ATG3: variants seen among roughly 807,000 people sequenced by gnomAD.
ATG3 encodes the protein ubiquitin-like-conjugating enzyme ATG3.
ATG3 carries 25 observed loss-of-function variants against 50.7 expected under a neutral mutation model. The ratio of observed to expected loss-of-function variants is 0.49; its 90% confidence interval spans 0.36 to 0.69. ATG3 has a LOEUF of 0.69. Among genes scored for constraint, ATG3 ranks in the 30% least tolerant of loss-of-function variants. The probability of loss-of-function intolerance (pLI) is 0.00; values close to 1 mark genes in which losing one functional copy is unlikely to be tolerated. For synonymous variants in ATG3, 119 were observed against 125.5 expected, an observed-to-expected ratio of 0.95 and a Z score of 0.34; for missense variants, 281 against 376.0, an observed-to-expected ratio of 0.75 and a Z score of 2.09.
intron 2 of ATG3, among the ~76,000 whole-genome samples, chr3:112,554,017 T>C (rs1933597824): frequency 6.6e-6 from 1 of 152,254 alleles, no homozygotes; most frequent in Middle Eastern, 3.2e-3. Flanking sequence ...GTACAAGTTT[T>C]TGTTTTTCTT....
intron 10 of ATG3, chr3:112,535,365 T>C (rs1933003591): frequency 6.6e-6 from 1 of 152,114 alleles, no homozygotes; most frequent in African/African-American, 2.4e-5. Flanking sequence ...TATATCCCAT[T>C]CCACAATACA....
intron 10 of ATG3, chr3:112,535,639 T>C (rs1933021399): frequency 6.6e-6 from 1 of 152,174 alleles, no homozygotes; most frequent in Non-Finnish European, 1.5e-5. Flanking sequence ...GAGCAAGGTC[T>C]TCCACGGAGT....
At position 112,561,611 on chromosome 3, in the gene ATG3, C is replaced by A; in HGVS notation, c.-83G>T. ...GGGCCAGGGAGTCAGAAAATGTCCT[C>A]GCTGCCACCGACTCGCATCAGCACC... On this transcript the variant is annotated 5_prime_UTR_variant, in exon 1 of 12. An upstream open reading frame in the 5' UTR gains an earlier in-frame stop. Coordinates refer to ENST00000283290, the MANE Select transcript of ATG3 (RefSeq NM_022488.5). 3 of 1,384,892 alleles carry A rather than the reference C, an allele frequency of 2.2e-6. No individual in the cohort carries two copies. Among genetic ancestry groups the A allele is most frequent in the Non-Finnish European group, 3.0e-6 (3 of 1,008,294 alleles). The allele number at this position is 1,384,892 out of a possible 1,614,324, so 85.8% of individuals were successfully genotyped here.
In ATG3 at chr3:112,561,531, T is replaced by C. The variant is rs1933879867; in HGVS notation, c.-3A>G. 2 of 1,429,122 alleles carry C rather than the reference T, an allele frequency of 1.4e-6. No homozygotes were observed. Among genetic ancestry groups the C allele is most frequent in the Admixed American group, 1.8e-5 (1 of 55,402 alleles). 88.5% of individuals were successfully genotyped at this position (1,429,122 alleles called of 1,614,324 possible). A position where few individuals can be genotyped will look rare whatever the true frequency, so the allele number is the denominator to read the frequency against. On this transcript the variant is annotated 5_prime_UTR_variant, in exon 1 of 12. Coordinates refer to ENST00000283290, the MANE Select transcript of ATG3 (RefSeq NM_022488.5). ...ACAGTATTAATCACATTCTGCATCC[T>C]GGGGCCGGAGTAGCGGCCGGCCCCG...
chr3:112,536,585 T>C lies in ATG3; in HGVS notation c.684A>G (p.Thr228=), dbSNP rs1394750093. ...TGATGTCTTCATACATGTGCTCAAC[T>C]GTTAAAGGCTGCCGTTGCTGAAAGC... ...FGYDEQRQPL[T]VEHMYEDISQ... Residue 228 remains threonine, a synonymous_variant, in exon 10 of 12, where the codon ACA becomes ACG. Transcript: ENST00000283290. 5.0e-6 allele frequency: 8 copies of C among 1,613,940 alleles called. No homozygotes were observed. Among genetic ancestry groups the C allele is most frequent in the Admixed American group, 3.3e-5 (2 of 59,992 alleles).
In ATG3 at chr3:112,537,703, T is replaced by C. The variant is rs73853442; in HGVS notation, c.666+32A>G. 6,727 of 1,462,080 alleles carry C rather than the reference T, an allele frequency of 4.6e-3. 162 individuals are homozygous for C. In the African/African-American group the frequency reaches 0.053, roughly 12 times the overall value. The allele number at this position is 1,462,080 out of a possible 1,614,324, so 90.6% of individuals were successfully genotyped here. A position where few individuals can be genotyped will look rare whatever the true frequency, so the allele number is the denominator to read the frequency against. On this transcript the variant is annotated intron_variant, in intron 9 of 11. Coordinates refer to ENST00000283290, the MANE Select transcript of ATG3 (RefSeq NM_022488.5). ...ATTAAAACCCAACAATTTAAAATAT[T>C]GATATTAAAATATAATGCTTTTCAT...
In ATG3 at chr3:112,561,954, C is replaced by G. The variant is rs1933914186; in HGVS notation, c.-426G>C. On this transcript the variant is annotated 5_prime_UTR_variant, in exon 1 of 12. Coordinates refer to ENST00000283290, the MANE Select transcript of ATG3 (RefSeq NM_022488.5). Reference sequence around the variant, plus strand: ...TAGCTGCGCCGCCACCGGGGCCTCACGTGACACTAGACTCTCCCGGCACGT... The same window carrying G: ...TAGCTGCGCCGCCACCGGGGCCTCAGGTGACACTAGACTCTCCCGGCACGT... 1.4e-5 allele frequency: 3 copies of G among 216,822 alleles called. No individual in the cohort carries two copies. In the South Asian group the frequency reaches 1.7e-4, roughly 12 times the overall value. The allele number at this position is 216,822 out of a possible 1,614,324, so 13.4% of individuals were successfully genotyped here. A position where few individuals can be genotyped will look rare whatever the true frequency, so the allele number is the denominator to read the frequency against.
chr3:112,561,253 C>A (rs1255090232), intron 1 of ATG3, among the ~76,000 whole-genome samples: 2 of 152,158 alleles, frequency 1.3e-5, no homozygotes, highest in Admixed American at 6.5e-5. Context: ...GAGCGTCGCT[C>A]CAAGTTTACC....
chr3:112,552,626 A>T (rs1015790260), intron 3 of ATG3, among the ~76,000 whole-genome samples: 5 of 144,248 alleles, frequency 3.5e-5, no homozygotes, highest in South Asian at 4.3e-4. Context: ...TTGTTAATTT[A>T]AAAAAAAAAA....
chr3:112,557,874 T>A (rs36061184), intron 2 of ATG3, among the ~76,000 whole-genome samples: 10,302 of 152,158 alleles, frequency 0.068, 441 homozygotes, highest in Admixed American at 0.12. Flanking sequence ...AACCTAAGTC[T>A]GATAAAACCA....
intron 5 of ATG3, among the ~76,000 whole-genome samples, chr3:112,547,861 G>A (rs1933410588): frequency 6.6e-6 from 1 of 152,206 alleles, no homozygotes; most frequent in Non-Finnish European, 1.5e-5. Flanking sequence ...CTGGGTAAAT[G>A]TGAATACAGT....
chr3:112,533,094 A>G (rs762019420), intron 11 of ATG3: 31 of 1,007,996 alleles, frequency 3.1e-5, no homozygotes, highest in Admixed American at 1.8e-4. Context: ...GTACTCATTT[A>G]CTAGACTCCT....
chr3:112,533,830 A>C (rs1322355483), intron 11 of ATG3: 19 of 986,910 alleles, frequency 1.9e-5, no homozygotes, highest in Middle Eastern at 5.1e-4. Flanking sequence ...CTATATTTTA[A>C]GAATATCTAA....
rs770195758 is a variant in ATG3, at chr3:112,532,738, T to C, written c.906A>G (p.Pro302=). ...GTCTTGTGTAGTCATATTCTATTGT[T>C]GGAATGACAGCTTGTACAAATTTCA... ...IFLKFVQAVI[P]TIEYDYTRHF... Residue 302 remains proline (P), a synonymous_variant, in exon 12 of 12, where the codon CCA becomes CCG. Transcript: ENST00000283290. The C allele has an allele frequency of 1.9e-6, 3 of 1,600,530 alleles. No individual in the cohort carries two copies. The highest frequency in any genetic ancestry group is 2.6e-6 in the Non-Finnish European group (3 of 1,173,392).
At chr3:112,548,466 G>T in intron 5 of ATG3, 67 bp downstream of exon 5, 1 of 1,294,972 alleles carries the variant, frequency 7.7e-7, no homozygotes, top group Non-Finnish European at 1.1e-6. Context: ...TTAAATCAAG[G>T]CTATTATAAA....
At chr3:112,549,507 A>T (rs1446055991) in intron 4 of ATG3, among the ~76,000 whole-genome samples, 19 of 152,170 alleles carry the variant, frequency 1.2e-4, no homozygotes, top group Admixed American at 1.2e-3. Context: ...TAACTTCATA[A>T]ATAAAACACT....
At chr3:112,536,917 T>A (rs1234606191) in intron 9 of ATG3, 2 of 76,074 alleles carry the variant, frequency 2.6e-5, no homozygotes, top group South Asian at 5.9e-4. Flanking sequence ...CGAGACTCCA[T>A]CTCAAAAAAA....
intron 6 of ATG3, 92 bp from the exon 7 acceptor site, chr3:112,541,976 A>C: frequency 2.2e-6 from 2 of 918,656 alleles, no homozygotes; most frequent in Non-Finnish European, 1.6e-6. Flanking sequence ...AACCACTGTG[A>C]AAATAAGAAT....
In ATG3 at chr3:112,561,661, G is replaced by GGACGC. The variant is rs373700157; in HGVS notation, c.-138_-134dup. ...CCGGCTGGCAGCACCCGAGGGGACG[G>GGACGC]GACGCGACGCGACGGGACGGGCGGG... On this transcript the variant is annotated 5_prime_UTR_variant, in exon 1 of 12. Coordinates refer to ENST00000283290, the MANE Select transcript of ATG3 (RefSeq NM_022488.5). 47 of 893,182 alleles carry GGACGC rather than the reference G, an allele frequency of 5.3e-5. No homozygotes were observed. The highest frequency in any genetic ancestry group is 2.8e-4 in the African/African-American group (16 of 57,840). The allele number at this position is 893,182 out of a possible 1,614,324, so 55.3% of individuals were successfully genotyped here.
Sources: allele counts gnomAD v4.1 joint callset (sites outside exome capture counted in the v4.1 genomes callset), GRCh38; gene constraint gnomAD v4.1.1; transcripts MANE v1.5; gene names NCBI Gene and HGNC (gene_info 2026-07-23, HGNC 2026-07-21).